The following CFAP299 variants were observed in gnomAD, a reference collection of about 807,000 sequenced individuals.
CFAP299 encodes cilia and flagella associated protein 299, also known as cilia- and flagella-associated protein 299.
CFAP299 carries 21 observed loss-of-function variants against 27.0 expected under a neutral mutation model. That is an observed-to-expected ratio of 0.78 (90% CI 0.55 to 1.12). The LOEUF (loss-of-function observed/expected upper bound fraction) is 1.12. Among genes scored for constraint, CFAP299 ranks in the 50% most tolerant of loss-of-function variants. The probability of loss-of-function intolerance (pLI) is 0.00; values close to 1 mark genes in which losing one functional copy is unlikely to be tolerated. For missense variants in CFAP299, 310 were observed against 276.6 expected (o/e 1.12, Z -0.86); for synonymous variants, 104 against 98.1 (o/e 1.06, Z -0.36).
chr4:80,601,271 T>G (rs535963550), intron 3 of CFAP299, among the ~76,000 whole-genome samples: 5 of 152,252 alleles, frequency 3.3e-5, no homozygotes, highest in Non-Finnish European at 7.4e-5. Flanking sequence ...AGTAGAAAAT[T>G]TGTGCTCCTA....
intron 2 of CFAP299, among the ~76,000 whole-genome samples, chr4:80,511,452 A>G (rs1485503281): frequency 3.3e-5 from 5 of 152,180 alleles, no homozygotes; most frequent in African/African-American, 4.8e-5. Context: ...AATTTGGCTA[A>G]TCTTTTATAT....
chr4:80,771,630 G>A (rs1372333928), intron 3 of CFAP299, among the ~76,000 whole-genome samples: 1 of 152,158 alleles, frequency 6.6e-6, no homozygotes, highest in Non-Finnish European at 1.5e-5. Context: ...TAAGCATCTA[G>A]GGCTGATGTG....
At chr4:80,383,246 G>T (rs1361187413) in intron 2 of CFAP299, among the ~76,000 whole-genome samples, 1 of 152,042 alleles carries the variant, frequency 6.6e-6, no homozygotes, top group Non-Finnish European at 1.5e-5. Flanking sequence ...ACTAGGCTTA[G>T]TACCTGGGTG....
chr4:80,564,402 C>T (rs1463137521), intron 2 of CFAP299, among the ~76,000 whole-genome samples: 2 of 151,916 alleles, frequency 1.3e-5, no homozygotes, highest in African/African-American at 4.8e-5. Flanking sequence ...TGTGATTCAG[C>T]CTATAAACAG....
chr4:80,443,126 A>G (rs1036329304), intron 2 of CFAP299, among the ~76,000 whole-genome samples: 1 of 152,214 alleles, frequency 6.6e-6, no homozygotes, highest in African/African-American at 2.4e-5. Context: ...AGCTGGTACC[A>G]TTCCTTCTGA....
chr4:80,428,884 A>G (rs1727663706), intron 2 of CFAP299, among the ~76,000 whole-genome samples: 2 of 152,118 alleles, frequency 1.3e-5, no homozygotes, highest in Non-Finnish European at 2.9e-5. Context: ...AGGTAAACTA[A>G]TATTTCCAGA....
intron 5 of CFAP299, 55 bp from the exon 6 acceptor site, chr4:80,963,462 A>ATTT: frequency 7.8e-7 from 1 of 1,280,690 alleles, no homozygotes; most frequent in African/African-American, 1.6e-5. Context: ...AAAAATTTTA[A>ATTT]AAAAGGCCAA....
Position 80,662,263 on chromosome 4 carries a change from C to G in CFAP299, c.333+79080C>G, listed in dbSNP as rs115476460. On this transcript the variant is annotated intron_variant, in intron 3 of 5. Coordinates refer to ENST00000358105, the MANE Select transcript of CFAP299 (RefSeq NM_152770.3). Reference sequence around the variant, plus strand: ...TGGTTTTACGGCTCAGGGGGCATCACAGAACCAGCCGACGTGTGATGTCTC... The same window carrying G: ...TGGTTTTACGGCTCAGGGGGCATCAGAGAACCAGCCGACGTGTGATGTCTC... Among the ~76,000 whole-genome samples the G allele has an allele frequency of 3.7e-3, 557 of 152,190 alleles. 2 individuals carry two copies. Among genetic ancestry groups the G allele is most frequent in the African/African-American group, 0.013 (522 of 41,528 alleles).
chr4:80,693,286 T>G (rs1451879876), intron 3 of CFAP299, among the ~76,000 whole-genome samples: 1 of 151,916 alleles, frequency 6.6e-6, no homozygotes, highest in African/African-American at 2.4e-5. Context: ...AGCAAAGACT[T>G]GGAACCAACC....
At chr4:80,888,535 A>G (rs1734084350) in intron 4 of CFAP299, among the ~76,000 whole-genome samples, 2 of 152,106 alleles carry the variant, frequency 1.3e-5, no homozygotes, top group African/African-American at 4.8e-5. Context: ...AGACTTCAAC[A>G]TCCTACTTTC....
chr4:80,770,515 G>A (rs970973414), intron 3 of CFAP299, among the ~76,000 whole-genome samples: 6 of 152,070 alleles, frequency 3.9e-5, no homozygotes, highest in Non-Finnish European at 7.4e-5. Context: ...CTATTTTTAA[G>A]TACAAACAAG....
Position 80,627,260 on chromosome 4 carries a change from C to T in CFAP299, c.333+44077C>T, listed in dbSNP as rs555207406. 5.3e-5 allele frequency among the ~76,000 whole-genome samples: 8 copies of T among 151,820 alleles called. No homozygotes were observed. In the South Asian group the frequency reaches 1.5e-3, roughly 28 times the overall value. On this transcript the variant is annotated intron_variant, in intron 3 of 5. Coordinates refer to ENST00000358105, the MANE Select transcript of CFAP299 (RefSeq NM_152770.3). Reference sequence around the variant, plus strand: ...AGGACAATAAGCATATAATCATTTCCGTAGGTGCAAAAAAATTTGGAAAAA... The same window carrying T: ...AGGACAATAAGCATATAATCATTTCTGTAGGTGCAAAAAAATTTGGAAAAA...
intron 3 of CFAP299, among the ~76,000 whole-genome samples, chr4:80,855,285 G>C (rs948086508): frequency 6.6e-6 from 1 of 152,030 alleles, no homozygotes; most frequent in South Asian, 2.1e-4. Flanking sequence ...ATTCATCACT[G>C]TACCAATGAT....
At chr4:80,915,669 G>A (rs1422228939) in intron 4 of CFAP299, among the ~76,000 whole-genome samples, 3 of 151,752 alleles carry the variant, frequency 2.0e-5, no homozygotes, top group Non-Finnish European at 4.4e-5. Context: ...AATTACACAT[G>A]TTATCCTACT....
intron 3 of CFAP299, among the ~76,000 whole-genome samples, chr4:80,831,381 A>G (rs1246130606): frequency 6.6e-6 from 1 of 152,090 alleles, no homozygotes; most frequent in Non-Finnish European, 1.5e-5. Flanking sequence ...CTGTAGCATC[A>G]CCTGTGCATG....
chr4:80,960,501 A>G (rs1291797768), intron 5 of CFAP299, among the ~76,000 whole-genome samples: 1 of 151,872 alleles, frequency 6.6e-6, no homozygotes, highest in Non-Finnish European at 1.5e-5. Context: ...GGTCCTTAGT[A>G]AGTCTCAAGA....
At chr4:80,849,881 A>G (rs1731414074) in intron 3 of CFAP299, among the ~76,000 whole-genome samples, 1 of 152,178 alleles carries the variant, frequency 6.6e-6, no homozygotes, top group African/African-American at 2.4e-5. Flanking sequence ...TAATCTCACC[A>G]CAAAGAAATG....
At chr4:80,799,586 A>AT in intron 3 of CFAP299, among the ~76,000 whole-genome samples, 1 of 71,696 alleles carries the variant, frequency 1.4e-5, no homozygotes, top group African/African-American at 5.8e-5. Context: ...TATAAAATAT[A>AT]TTATATAAAA....
chr4:80,330,753 G>A (rs1560515659), upstream of CFAP299, among the ~76,000 whole-genome samples: 1 of 152,168 alleles, frequency 6.6e-6, no homozygotes, highest in Non-Finnish European at 1.5e-5. Context: ...AAATGTAGGT[G>A]CTAAAATTTA....
Sources: allele counts gnomAD v4.1 joint callset (sites outside exome capture counted in the v4.1 genomes callset), GRCh38; gene constraint gnomAD v4.1.1; transcripts MANE v1.5; gene names NCBI Gene and HGNC (gene_info 2026-07-23, HGNC 2026-07-21).